The following CNTN6 variants were observed in gnomAD, a reference collection of about 807,000 sequenced individuals.
CNTN6 encodes contactin 6.
CNTN6 carries 137 observed loss-of-function variants against 122.8 expected under a neutral mutation model. The observed-to-expected ratio is 1.12, with a 90% CI of 0.97 to 1.29. The LOEUF is 1.29. Among genes scored for constraint, CNTN6 ranks in the 50% most tolerant of loss-of-function variants. The pLI, the probability that CNTN6 is intolerant of heterozygous loss-of-function variation, is 0.00. For missense variants in CNTN6, 1,634 were observed against 1,223.4 expected (o/e 1.34, Z -5.01); for synonymous variants, 570 against 426.0 (o/e 1.34, Z -4.16).
chr3:1,325,874 C>A lies in CNTN6; in HGVS notation c.1006C>A (p.Leu336Ile). The A allele has an allele frequency of 6.2e-7, 1 of 1,611,950 alleles. No individual in the cohort carries two copies. The highest frequency in any genetic ancestry group is 8.5e-7 in the Non-Finnish European group (1 of 1,178,710). ...ACACCTCTCTATCTATGACAACTTG[C>A]TCTGGGAATGTAAAGCTAGTGGAAA... Reference protein sequence around the residue: ...NTHLSIYDNLLWECKASGKPN... With the variant: ...NTHLSIYDNLIWECKASGKPN... The change falls in exon 9 of 23, where the codon CTC becomes ATC. Residue 336 changes from leucine (L) to isoleucine (I), a missense_variant. By Grantham distance (5) the Leu-to-Ile change is conservative. Transcript: ENST00000446702.
Position 1,247,845 on chromosome 3 carries a change from C to T in CNTN6, c.358+19852C>T, listed in dbSNP as rs115484643. Among the ~76,000 whole-genome samples the T allele has an allele frequency of 8.8e-3, 1,336 of 151,802 alleles. 21 individuals are homozygous for T. Among genetic ancestry groups the T allele is most frequent in the African/African-American group, 0.029 (1,212 of 41,252 alleles). On this transcript the variant is annotated intron_variant, in intron 4 of 22. Coordinates refer to ENST00000446702, the MANE Select transcript of CNTN6 (RefSeq NM_001289080.2). ...GGTATCTATTAAGCCTTTTACATAA[C>T]ATTTGTTAAAAAAAAAATTCCCAAA...
At chr3:1,160,764 C>G (rs917040941) in intron 2 of CNTN6, among the ~76,000 whole-genome samples, 3 of 151,506 alleles carry the variant, frequency 2.0e-5, no homozygotes, top group African/African-American at 7.3e-5. Context: ...TTATTTATCT[C>G]TAGTTGAAAA....
intron 1 of CNTN6, among the ~76,000 whole-genome samples, chr3:1,095,061 T>A (rs541213665): frequency 6.6e-6 from 1 of 152,068 alleles, no homozygotes; most frequent in African/African-American, 2.4e-5. Flanking sequence ...TAAATACTTT[T>A]GTAAGAATGG....
At chr3:1,111,864 G>T (rs532834049) in intron 1 of CNTN6, among the ~76,000 whole-genome samples, 1 of 152,108 alleles carries the variant, frequency 6.6e-6, no homozygotes, top group Non-Finnish European at 1.5e-5. Flanking sequence ...TATGCTTGTT[G>T]TAAGTAGAAG....
At chr3:1,147,247 A>C (rs574764190) in intron 1 of CNTN6, among the ~76,000 whole-genome samples, 1 of 152,200 alleles carries the variant, frequency 6.6e-6, no homozygotes, top group African/African-American at 2.4e-5. Context: ...TTGATAGAAA[A>C]GCTGCAAAAT....
intron 1 of CNTN6, among the ~76,000 whole-genome samples, chr3:1,132,588 T>A (rs2092365211): frequency 6.6e-6 from 1 of 151,706 alleles, no homozygotes; most frequent in South Asian, 2.1e-4. Context: ...ACCCAGGGGT[T>A]CAAGGTTGCA....
At chr3:1,128,032 T>G (rs971960642) in intron 1 of CNTN6, among the ~76,000 whole-genome samples, 1 of 151,938 alleles carries the variant, frequency 6.6e-6, no homozygotes, top group Non-Finnish European at 1.5e-5. Context: ...CTAAATTAAG[T>G]GCATACCAAC....
intron 1 of CNTN6, among the ~76,000 whole-genome samples, chr3:1,094,531 A>G (rs1282236984): frequency 1.3e-5 from 2 of 152,184 alleles, no homozygotes. Context: ...TCTTAGCAAA[A>G]AAGTCAATCA....
intron 1 of CNTN6, among the ~76,000 whole-genome samples, chr3:1,109,249 G>C (rs745801601): frequency 1.3e-4 from 20 of 152,034 alleles, no homozygotes; most frequent in Non-Finnish European, 2.4e-4. Flanking sequence ...TTCACATACA[G>C]ATTTTCATAT....
At chr3:1,386,458 A>G (rs1417991825) in intron 20 of CNTN6, among the ~76,000 whole-genome samples, 2 of 152,182 alleles carry the variant, frequency 1.3e-5, no homozygotes, top group Non-Finnish European at 2.9e-5. Context: ...AGAATCTGCT[A>G]CATAAAAGAT....
intron 17 of CNTN6, 63 bp downstream of exon 17, chr3:1,377,138 GAAAAAC>G: frequency 8.7e-7 from 1 of 1,150,056 alleles, no homozygotes; most frequent in Non-Finnish European, 1.3e-6. Context: ...GAAAGAAACT[GAAAAAC>G]AAAAAGATTT....
At chr3:1,259,171 T>C (rs2094805828) in intron 4 of CNTN6, among the ~76,000 whole-genome samples, 1 of 151,914 alleles carries the variant, frequency 6.6e-6, no homozygotes, top group Non-Finnish European at 1.5e-5. Flanking sequence ...AAAATTCTCC[T>C]TAGATAATCT....
intron 5 of CNTN6, among the ~76,000 whole-genome samples, chr3:1,291,753 C>G (rs1695368545): frequency 6.6e-6 from 1 of 152,046 alleles, no homozygotes; most frequent in African/African-American, 2.4e-5. Flanking sequence ...CAGCAACAGG[C>G]TTAGAAGTGA....
intron 2 of CNTN6, among the ~76,000 whole-genome samples, chr3:1,213,918 A>G (rs2094086749): frequency 6.6e-6 from 1 of 152,122 alleles, no homozygotes. Context: ...ATAATATTAT[A>G]TGTATATATG....
At position 1,289,392 on chromosome 3, in the gene CNTN6, G is replaced by C. The variant is rs183471648; in HGVS notation, c.455-6209G>C. Among the ~76,000 whole-genome samples the C allele has an allele frequency of 1.2e-3, 185 of 152,280 alleles. 1 individual carries two copies. The highest frequency in any genetic ancestry group is 3.4e-3 in the Middle Eastern group (1 of 292). ...CTTCACCAATTCAGAGGGCACAAAA[G>C]GGCACCTGGATTGTACTCCCAGAGC... On this transcript the variant is annotated intron_variant, in intron 5 of 22. Coordinates refer to ENST00000446702, the MANE Select transcript of CNTN6 (RefSeq NM_001289080.2).
chr3:1,352,186 C>T (rs946754233), intron 11 of CNTN6, 138 bp from the exon 12 acceptor site: 3 of 658,934 alleles, frequency 4.6e-6, no homozygotes, highest in East Asian at 6.5e-5. Context: ...CAATGAAGAA[C>T]AGAATAATAG....
chr3:1,279,441 A>G (rs1301837502), intron 5 of CNTN6, among the ~76,000 whole-genome samples: 2 of 152,252 alleles, frequency 1.3e-5, no homozygotes, highest in Non-Finnish European at 2.9e-5. Context: ...AAGGACTTTA[A>G]CATGTATTAG....
At chr3:1,146,330 A>G (rs1027663013) in intron 1 of CNTN6, among the ~76,000 whole-genome samples, 1 of 152,072 alleles carries the variant, frequency 6.6e-6, no homozygotes, top group African/African-American at 2.4e-5. Context: ...ATCTTTGAAC[A>G]GGCAACTCAA....
intron 4 of CNTN6, among the ~76,000 whole-genome samples, chr3:1,264,213 C>T (rs1559647204): frequency 1.3e-5 from 2 of 152,210 alleles, no homozygotes; most frequent in East Asian, 1.9e-4. Flanking sequence ...TGTGGGCCAG[C>T]ACTTACTGGT....
Sources: allele counts gnomAD v4.1 joint callset (sites outside exome capture counted in the v4.1 genomes callset), GRCh38; gene constraint gnomAD v4.1.1; transcripts MANE v1.5; gene names NCBI Gene and HGNC (gene_info 2026-07-23, HGNC 2026-07-21).